The following GNB4 variants were observed in gnomAD, a reference collection of about 807,000 sequenced individuals.
The protein encoded by GNB4 is G protein subunit beta 4.
GNB4 carries 28 observed loss-of-function variants against 45.2 expected under a neutral mutation model. That is an observed-to-expected ratio of 0.62 (90% CI 0.46 to 0.85). The LOEUF (loss-of-function observed/expected upper bound fraction) is 0.85, where lower values mean the gene tolerates loss of function less well. Ranked by LOEUF, GNB4 falls within the 40% of genes least tolerant of loss-of-function variation. GNB4 has a pLI of 0.00. For synonymous variants in GNB4, 132 were observed against 143.7 expected (o/e 0.92, Z 0.58); for missense variants, 321 against 425.4 (o/e 0.75, Z 2.16).
chr3:179,422,020 ACTAT>A (rs1308410712), intron 2 of GNB4, among the ~76,000 whole-genome samples: 1 of 152,154 alleles, frequency 6.6e-6, no homozygotes, highest in African/African-American at 2.4e-5. Flanking sequence ...CATTGTTTAG[ACTAT>A]CTTTTTTAAT....
chr3:179,455,039 G>A (rs940902418), upstream of GNB4, among the ~76,000 whole-genome samples: 1 of 152,142 alleles, frequency 6.6e-6, no homozygotes, highest in African/African-American at 2.4e-5. Flanking sequence ...CCATATCAAA[G>A]TACAGTTTGT....
intron 8 of GNB4, among the ~76,000 whole-genome samples, chr3:179,409,309 G>A (rs1271423017): frequency 6.6e-6 from 1 of 151,518 alleles, no homozygotes; most frequent in East Asian, 1.9e-4. Flanking sequence ...TCGGGAGTTC[G>A]AGACCAGCCT....
At chr3:179,465,293 G>A in the GNB4 span, 5 of 1,482,124 alleles carry the variant, frequency 3.4e-6, no homozygotes, top group Admixed American at 5.1e-5. Context: ...CCCCATGACA[G>A]TGGCAATGCT....
the GNB4 span, among the ~76,000 whole-genome samples, chr3:179,523,806 A>G: frequency 3.3e-5 from 5 of 152,092 alleles, no homozygotes; most frequent in African/African-American, 1.2e-4. Flanking sequence ...AGGAGGATGC[A>G]AAGGAGGCTT....
upstream of GNB4, among the ~76,000 whole-genome samples, chr3:179,453,798 T>C (rs151106585): frequency 5.9e-3 from 900 of 152,202 alleles, 2 homozygotes; most frequent in Middle Eastern, 0.014. Flanking sequence ...ACGAATCTAC[T>C]TCCAAGAATA....
chr3:179,494,258 AAAGG>A, the GNB4 span, among the ~76,000 whole-genome samples: 1 of 148,774 alleles, frequency 6.7e-6, no homozygotes, highest in Non-Finnish European at 1.5e-5. Context: ...AAGAAAGAAG[AAAGG>A]AAGAAAGAAA....
intron 8 of GNB4, among the ~76,000 whole-genome samples, chr3:179,409,357 A>G (rs1228565800): frequency 6.6e-6 from 1 of 151,774 alleles, no homozygotes; most frequent in Non-Finnish European, 1.5e-5. Flanking sequence ...TAAAAATACA[A>G]AAAAATCAGC....
chr3:179,500,087 T>C, the GNB4 span, among the ~76,000 whole-genome samples: 1 of 152,246 alleles, frequency 6.6e-6, no homozygotes, highest in African/African-American at 2.4e-5. Flanking sequence ...TTTAGTTTAA[T>C]TAGATCCTAT....
Position 179,401,270 on chromosome 3 carries a change from A to C in GNB4, c.966T>G (p.Asp322Glu). ...DNRVSCLGVT[D>E]DGMAVATGSW... is the part of the protein sequence containing the mutation. Reference sequence around the variant, plus strand: ...AGCCTGTTGCCACAGCCATGCCATCATCAGTTACACCTAAGCAGCTCACAC... The same window carrying C: ...AGCCTGTTGCCACAGCCATGCCATCCTCAGTTACACCTAAGCAGCTCACAC... The change falls in exon 10 of 10, where the codon GAT becomes GAG. Residue 322 changes from aspartate to glutamate, a missense_variant. Coordinates refer to ENST00000232564, the MANE Select transcript of GNB4 (RefSeq NM_021629.4). The C allele has an allele frequency of 3.1e-6, 5 of 1,614,098 alleles. No homozygotes were observed. Among genetic ancestry groups the C allele is most frequent in the Non-Finnish European group, 4.2e-6 (5 of 1,179,980 alleles).
the GNB4 span, among the ~76,000 whole-genome samples, chr3:179,475,363 C>A: frequency 4.6e-5 from 7 of 151,942 alleles, no homozygotes; most frequent in Admixed American, 1.3e-4. Context: ...TTGTGATCTG[C>A]CCGCCTCGGC....
the GNB4 span, among the ~76,000 whole-genome samples, chr3:179,498,942 G>C: frequency 6.6e-6 from 1 of 151,774 alleles, no homozygotes; most frequent in Non-Finnish European, 1.5e-5. Context: ...ACAGGCCCTG[G>C]TGTGTGATGT....
At chr3:179,401,618 G>A (rs534504222) in intron 9 of GNB4, among the ~76,000 whole-genome samples, 38 of 152,252 alleles carry the variant, frequency 2.5e-4, no homozygotes, top group African/African-American at 9.1e-4. Flanking sequence ...GAAAACATAT[G>A]CAGACAATTA....
At chr3:179,449,878 T>A (rs753788384) in intron 1 of GNB4, among the ~76,000 whole-genome samples, 1 of 152,226 alleles carries the variant, frequency 6.6e-6, no homozygotes, top group Non-Finnish European at 1.5e-5. Context: ...ATTTTCAAAT[T>A]GCCCCAGAGT....
the GNB4 span, among the ~76,000 whole-genome samples, chr3:179,476,917 C>T: frequency 2.6e-5 from 4 of 152,090 alleles, no homozygotes; most frequent in East Asian, 7.7e-4. Context: ...TAAGTCTTTT[C>T]TCTTCTCTTG....
chr3:179,522,361 A>C, the GNB4 span, among the ~76,000 whole-genome samples: 1 of 151,842 alleles, frequency 6.6e-6, no homozygotes, highest in Non-Finnish European at 1.5e-5. Flanking sequence ...TAAAACGGCC[A>C]CACCCCTATC....
At chr3:179,446,094 A>G (rs933147145) in intron 1 of GNB4, among the ~76,000 whole-genome samples, 17 of 152,246 alleles carry the variant, frequency 1.1e-4, no homozygotes, top group African/African-American at 3.9e-4. Context: ...CTATAAACAT[A>G]CTGGAAAATG....
the GNB4 span, among the ~76,000 whole-genome samples, chr3:179,489,507 T>C: frequency 6.6e-6 from 1 of 152,018 alleles, no homozygotes. Context: ...TGGGCATGGT[T>C]GTACATGTCT....
the GNB4 span, among the ~76,000 whole-genome samples, chr3:179,480,841 A>AT: frequency 8.2e-3 from 1,116 of 136,574 alleles, 15 homozygotes; most frequent in African/African-American, 0.026. Context: ...AACTGATTTC[A>AT]TTTTTTTTTT....
rs557120349 is a variant in GNB4, at chr3:179,422,731, G to A, written c.58-1804C>T. 4.6e-5 allele frequency among the ~76,000 whole-genome samples: 7 copies of A among 152,226 alleles called. No homozygotes were observed. In the East Asian group the frequency reaches 1.2e-3, roughly 25 times the overall value. ...ATAGCATACATTTCTATTATATCATGTATTTACACTATAGTAAGGTAAAAA... is the reference window on the plus strand; with the variant it reads ...ATAGCATACATTTCTATTATATCATATATTTACACTATAGTAAGGTAAAAA... On this transcript the variant is annotated intron_variant, in intron 2 of 9. Transcript: ENST00000232564.
Sources: gnomAD v4.1 joint callset for allele counts (sites outside exome capture counted in the v4.1 genomes callset) on GRCh38, gnomAD v4.1.1 for gene constraint, MANE v1.5 for transcripts, NCBI Gene and HGNC (gene_info 2026-07-23, HGNC 2026-07-21) for gene names.